Variants in MSL2 observed in about 807,000 individuals in gnomAD.
MSL2 encodes the protein E3 ubiquitin-protein ligase MSL2.
MSL2 carries 2 observed loss-of-function variants against 35.8 expected under a neutral mutation model. That is an observed-to-expected ratio of 0.06 (90% CI 0.02 to 0.18). The LOEUF (loss-of-function observed/expected upper bound fraction) is 0.18. MSL2 is among the 10% of genes least tolerant of loss of function. The probability of loss-of-function intolerance (pLI) is 1.00; values close to 1 mark genes in which losing one functional copy is unlikely to be tolerated. For missense variants in MSL2, 523 were observed against 706.7 expected (o/e 0.74, Z 2.95); for synonymous variants, 296 against 255.7 (o/e 1.16, Z -1.50).
chr3:136,151,194 C>G lies in MSL2; in HGVS notation c.1687G>C (p.Asp563His). 3 of 1,614,200 alleles carry G rather than the reference C, an allele frequency of 1.9e-6. No homozygotes were observed. Among genetic ancestry groups the G allele is most frequent in the South Asian group, 2.2e-5 (2 of 91,080 alleles). ...ATAGCTTCATCCAAACTTTTATCAT[C>G]ATGTGTACTGGCAGCTAAAAACGTC... Reference protein sequence around the residue: ...VTTFLAASTHDDKSLDEAIDM... With the variant: ...VTTFLAASTHHDKSLDEAIDM... The change falls in exon 2 of 2, where the codon GAT becomes CAT. Residue 563 changes from aspartate (D) to histidine (H), a missense_variant. Physicochemically the swap from Asp to His is moderately conservative, Grantham distance 81. This residue lies in a region of MSL2 where 60 missense variants were observed against 75.1 expected (regional missense o/e 0.80). Transcript: ENST00000309993. This position sits in a 1 kb window ranked among gnomAD's most constrained non-coding sequence, Gnocchi z 5.2.
chr3:136,152,119 G>A lies in MSL2; in HGVS notation c.762C>T (p.Cys254=), dbSNP rs1288467584. Residue 254 remains cysteine (C), a synonymous_variant, in exon 2 of 2, where the codon TGC becomes TGT. Coordinates refer to ENST00000309993, the MANE Select transcript of MSL2 (RefSeq NM_018133.4). ...TDLCSTGIDI[C]SFSEDIKPGD... is the part of the protein sequence containing the mutation. Reference sequence around the variant, plus strand: ...CAGGTTTTATATCTTCACTGAAACTGCAGATATCAATGCCTGTGGAACATA... The same window carrying A: ...CAGGTTTTATATCTTCACTGAAACTACAGATATCAATGCCTGTGGAACATA... 11 of 1,614,034 alleles carry A rather than the reference G, an allele frequency of 6.8e-6. No homozygotes were observed. The highest frequency in any genetic ancestry group is 1.3e-5 in the African/African-American group (1 of 74,946).
intron 1 of MSL2, among the ~76,000 whole-genome samples, chr3:136,157,465 C>T (rs763927683): frequency 1.8e-4 from 27 of 151,880 alleles, no homozygotes; most frequent in Non-Finnish European, 3.1e-4. Flanking sequence ...TAGTGCCACT[C>T]AACTCCAGCC....
intron 1 of MSL2, among the ~76,000 whole-genome samples, chr3:136,169,304 G>A (rs1234120493): frequency 6.8e-6 from 1 of 148,082 alleles, no homozygotes; most frequent in Non-Finnish European, 1.5e-5. Flanking sequence ...ATATGTATGG[G>A]GGTACACGTG....
intron 1 of MSL2, among the ~76,000 whole-genome samples, chr3:136,180,796 G>GGAAGGAA (rs1559969247): frequency 0.012 from 500 of 42,826 alleles, 24 homozygotes; most frequent in African/African-American, 0.042. Context: ...GAGGGAGGGA[G>GGAAGGAA]GGAGGGAGGG....
At chr3:136,194,901 G>T in intron 1 of MSL2, 71 bp downstream of exon 1, 1 of 1,598,878 alleles carries the variant, frequency 6.3e-7, no homozygotes, top group Non-Finnish European at 8.5e-7. Context: ...CCGTCAACCC[G>T]CTCACGTTAC....
rs563669348 is a variant in MSL2, at chr3:136,180,550, A to AT, written c.142+14421dup. On this transcript the variant is annotated intron_variant, in intron 1 of 1. Transcript: ENST00000309993. Reference sequence around the variant, plus strand: ...TCCCATCTCTACTAAAAATACAAAAATTAGCCGGGCACGGAGGCTGGCACC... The same window carrying AT: ...TCCCATCTCTACTAAAAATACAAAAATTTAGCCGGGCACGGAGGCTGGCACC... Among the ~76,000 whole-genome samples the AT allele has an allele frequency of 3.2e-3, 488 of 151,358 alleles. 1 individual carries two copies. The highest frequency in any genetic ancestry group is 5.7e-3 in the Non-Finnish European group (387 of 67,916).
chr3:136,153,519 G>A (rs374551474), intron 1 of MSL2, among the ~76,000 whole-genome samples: 2 of 152,308 alleles, frequency 1.3e-5, no homozygotes, highest in Admixed American at 6.5e-5. Context: ...CGGACACAGT[G>A]GCTCATGCCT....
At position 136,181,157 on chromosome 3, in the gene MSL2, AAAAG is replaced by A. The variant is rs377574151; in HGVS notation, c.142+13811_142+13814del. 6.4e-4 allele frequency among the ~76,000 whole-genome samples: 97 copies of A among 152,170 alleles called. 1 individual carries two copies. The East Asian group carries it at 0.018, about 29-fold the overall frequency. ...ACAGAGTAAAACTCTGTCTCAAAAA[AAAAG>A]AAAAAAGTAACAAAAATCGTGAACC... On this transcript the variant is annotated intron_variant, in intron 1 of 1. Transcript: ENST00000309993.
At chr3:136,193,249 T>C (rs374859605) in intron 1 of MSL2, among the ~76,000 whole-genome samples, 9 of 152,282 alleles carry the variant, frequency 5.9e-5, no homozygotes, top group Admixed American at 4.6e-4. Flanking sequence ...AAGCTATTAA[T>C]AGGAACTTAA....
chr3:136,177,623 G>A (rs951219485), intron 1 of MSL2, among the ~76,000 whole-genome samples: 31 of 147,734 alleles, frequency 2.1e-4, no homozygotes, highest in Non-Finnish European at 4.1e-4. Context: ...AGCTCGCAGT[G>A]AGCTGAGATC....
At chr3:136,157,498 A>C (rs1279213305) in intron 1 of MSL2, among the ~76,000 whole-genome samples, 1 of 152,126 alleles carries the variant, frequency 6.6e-6, no homozygotes, top group Non-Finnish European at 1.5e-5. Context: ...CCAGACTCCA[A>C]CTCAAAAAAA....
intron 1 of MSL2, among the ~76,000 whole-genome samples, chr3:136,162,429 A>T (rs1008859503): frequency 1.3e-5 from 2 of 152,084 alleles, no homozygotes; most frequent in African/African-American, 4.8e-5. Context: ...AAAAAATAAA[A>T]AAAATTAGCC....
rs1348554386 is a variant in MSL2, at chr3:136,195,454, G to A, written c.-341C>T. 2 of 1,042,060 alleles carry A rather than the reference G, an allele frequency of 1.9e-6. No homozygotes were observed. Among genetic ancestry groups the A allele is most frequent in the South Asian group, 3.6e-5 (1 of 27,886 alleles). 64.6% of individuals were successfully genotyped at this position (1,042,060 alleles called of 1,614,324 possible). Reference sequence around the variant, plus strand: ...TCAGTCTAGCCCCGCGGCTCGGCAGGCGGCCTGCACTCGAGCTCCATCTCC... The same window carrying A: ...TCAGTCTAGCCCCGCGGCTCGGCAGACGGCCTGCACTCGAGCTCCATCTCC... On this transcript the variant is annotated 5_prime_UTR_variant, in exon 1 of 2. Transcript: ENST00000309993.
intron 1 of MSL2, among the ~76,000 whole-genome samples, chr3:136,160,438 A>C (rs1417685192): frequency 6.6e-6 from 1 of 150,570 alleles, no homozygotes; most frequent in Non-Finnish European, 1.5e-5. Flanking sequence ...AAAAAAAAAA[A>C]CAATGCAAGC....
chr3:136,158,247 G>A (rs559982176), intron 1 of MSL2, among the ~76,000 whole-genome samples: 1 of 151,722 alleles, frequency 6.6e-6, no homozygotes, highest in African/African-American at 2.4e-5. Flanking sequence ...AGGAGGCGGA[G>A]GCTGCGGTGA....
chr3:136,181,010 A>G lies in MSL2; in HGVS notation c.142+13962T>C, dbSNP rs531105122. ...CTATTAAATAAAAAAAAAAAAAATC[A>G]GGCATGGTGGCACATGCCTGTAATC... On this transcript the variant is annotated intron_variant, in intron 1 of 1. Coordinates refer to ENST00000309993, the MANE Select transcript of MSL2 (RefSeq NM_018133.4). 2.1e-3 allele frequency among the ~76,000 whole-genome samples: 315 copies of G among 150,856 alleles called. 3 individuals are homozygous for G. Among genetic ancestry groups the G allele is most frequent in the African/African-American group, 6.9e-3 (282 of 41,092 alleles).
At chr3:136,172,845 G>C (rs1940065817) in intron 1 of MSL2, among the ~76,000 whole-genome samples, 1 of 152,054 alleles carries the variant, frequency 6.6e-6, no homozygotes, top group South Asian at 2.1e-4. Flanking sequence ...TTTTGAAACA[G>C]ACATGACACC....
At chr3:136,168,244 C>A (rs1939906562) in intron 1 of MSL2, among the ~76,000 whole-genome samples, 1 of 151,490 alleles carries the variant, frequency 6.6e-6, no homozygotes, top group Non-Finnish European at 1.5e-5. Context: ...GCTCTTAAGG[C>A]AAAAGAAAAA....
At chr3:136,169,774 A>G (rs1939967868) in intron 1 of MSL2, among the ~76,000 whole-genome samples, 1 of 151,922 alleles carries the variant, frequency 6.6e-6, no homozygotes, top group African/African-American at 2.4e-5. Flanking sequence ...TGAAATATAC[A>G]ATAAATCATG....
Sources: allele counts gnomAD v4.1 joint callset (sites outside exome capture counted in the v4.1 genomes callset), GRCh38; gene constraint gnomAD v4.1.1; regional missense constraint gnomAD v4.1.1; non-coding constraint Gnocchi (gnomAD v3.1); transcripts MANE v1.5; gene names NCBI Gene and HGNC (gene_info 2026-07-23, HGNC 2026-07-21).